The following TEX9 variants were observed in gnomAD, a reference collection of about 807,000 sequenced individuals.
The protein encoded by TEX9 is testis expressed 9.
A neutral mutation model predicts 59.6 loss-of-function variants in TEX9; 74 were observed. That is an observed-to-expected ratio of 1.24 (90% confidence interval 1.03 to 1.51). TEX9 has a LOEUF of 1.51. Among genes scored for constraint, TEX9 ranks in the 40% most tolerant of loss-of-function variants. The pLI, the probability that TEX9 is intolerant of heterozygous loss-of-function variation, is 0.00. For synonymous variants in TEX9, 186 were observed against 152.2 expected, an observed-to-expected ratio of 1.22 and a Z score of -1.64; for missense variants, 522 against 447.8, an observed-to-expected ratio of 1.17 and a Z score of -1.49.
At chr15:56,275,638 T>C (rs1349859719) in intron 1 of TEX9, among the ~76,000 whole-genome samples, 15 of 152,328 alleles carry the variant, frequency 9.8e-5, no homozygotes, top group African/African-American at 3.1e-4. Context: ...CTTTGTGCTA[T>C]TATTGTTATA....
intron 12 of TEX9, among the ~76,000 whole-genome samples, chr15:56,441,807 GA>G (rs2050818380): frequency 6.6e-6 from 1 of 152,252 alleles, no homozygotes; most frequent in Non-Finnish European, 1.5e-5. Context: ...GAGGTCAGGA[GA>G]TCGAGACCAT....
intron 1 of TEX9, among the ~76,000 whole-genome samples, chr15:56,330,855 A>G (rs1042829299): frequency 1.3e-5 from 2 of 152,266 alleles, no homozygotes; most frequent in Middle Eastern, 3.4e-3. Flanking sequence ...ATAAAAAGAC[A>G]TGGAATAGCT....
At chr15:56,287,670 C>G (rs569049068) in intron 1 of TEX9, among the ~76,000 whole-genome samples, 1 of 152,056 alleles carries the variant, frequency 6.6e-6, no homozygotes, top group Non-Finnish European at 1.5e-5. Context: ...ACCAATATCT[C>G]CTCAATCCAT....
At chr15:56,279,634 A>G (rs2044765765) in intron 1 of TEX9, among the ~76,000 whole-genome samples, 1 of 152,226 alleles carries the variant, frequency 6.6e-6, no homozygotes. Context: ...CCTAATTAAG[A>G]GTAAAGAGTA....
At chr15:56,459,957 T>C in the TEX9 span, among the ~76,000 whole-genome samples, 3 of 115,738 alleles carry the variant, frequency 2.6e-5, no homozygotes, top group East Asian at 8.0e-4. Context: ...GCCATTGCAC[T>C]CCAGCCTGGG....
intron 1 of TEX9, among the ~76,000 whole-genome samples, chr15:56,281,960 T>G (rs1382191105): frequency 6.6e-6 from 1 of 152,228 alleles, no homozygotes; most frequent in East Asian, 1.9e-4. Flanking sequence ...CATTTATAAC[T>G]TTCTCATTTC....
chr15:56,426,719 A>G lies in TEX9; in HGVS notation c.964-886A>G, dbSNP rs374558435. ...CTCCATCTTTTTTATGTGTGTGTACAGAGATTCACATTTCCTTCTGGTATC... is the reference window on the plus strand; with the variant it reads ...CTCCATCTTTTTTATGTGTGTGTACGGAGATTCACATTTCCTTCTGGTATC... On this transcript the variant is annotated intron_variant, in intron 10 of 12. Transcript: ENST00000352903. Among the ~76,000 whole-genome samples, 7 of 150,150 alleles carry G rather than the reference A, an allele frequency of 4.7e-5. No homozygotes were observed. The East Asian group carries it at 7.8e-4, about 17-fold the overall frequency.
chr15:56,328,301 A>G (rs1418684507), intron 1 of TEX9, among the ~76,000 whole-genome samples: 1 of 152,072 alleles, frequency 6.6e-6, no homozygotes, highest in Non-Finnish European at 1.5e-5. Context: ...ACCTACTAAC[A>G]AAAGAGCCCT....
chr15:56,293,771 G>A (rs1396834407), intron 1 of TEX9, among the ~76,000 whole-genome samples: 1 of 152,220 alleles, frequency 6.6e-6, no homozygotes, highest in Admixed American at 6.5e-5. Context: ...CCAGCCATGT[G>A]TGTCTCACAT....
chr15:56,263,179 A>G (rs1293320263), intron 1 of TEX9, among the ~76,000 whole-genome samples: 2 of 152,076 alleles, frequency 1.3e-5, no homozygotes, highest in Non-Finnish European at 2.9e-5. Context: ...ATTTGCCACC[A>G]TGCCCGGCTA....
chr15:56,408,985 C>G (rs1305493196), intron 9 of TEX9: 1 of 152,322 alleles, frequency 6.6e-6, no homozygotes, highest in African/African-American at 2.4e-5. Context: ...ATCACAAGGT[C>G]AGGAGATTGA....
intron 9 of TEX9, among the ~76,000 whole-genome samples, chr15:56,400,274 G>A (rs2048703238): frequency 6.6e-6 from 1 of 152,156 alleles, no homozygotes. Flanking sequence ...AATAAACAGT[G>A]TAGAGAAGAC....
At chr15:56,366,156 A>G (rs1172167110) in intron 2 of TEX9, among the ~76,000 whole-genome samples, 1 of 152,178 alleles carries the variant, frequency 6.6e-6, no homozygotes, top group Non-Finnish European at 1.5e-5. Flanking sequence ...TGTAATTACA[A>G]CTATCCTGAC....
chr15:56,244,424 A>C (rs1158434063), intron 1 of TEX9: 1 of 152,270 alleles, frequency 6.6e-6, no homozygotes, highest in Non-Finnish European at 1.5e-5. Flanking sequence ...AAAGCCCTCC[A>C]AATCTGGCCC....
intron 9 of TEX9, 40 bp from the exon 10 acceptor site, chr15:56,412,262 A>G (rs746562094): frequency 1.3e-6 from 2 of 1,549,298 alleles, no homozygotes; most frequent in East Asian, 4.6e-5. Flanking sequence ...GGAAACTATG[A>G]TATATTTATA....
chr15:56,304,712 TA>T (rs1271659298), intron 1 of TEX9, among the ~76,000 whole-genome samples: 1 of 152,174 alleles, frequency 6.6e-6, no homozygotes, highest in African/African-American at 2.4e-5. Context: ...TATGGGCCTG[TA>T]ATTTTCTTTC....
intron 1 of TEX9, among the ~76,000 whole-genome samples, chr15:56,330,131 A>G (rs2141758228): frequency 6.6e-6 from 1 of 152,310 alleles, no homozygotes; most frequent in African/African-American, 2.4e-5. Context: ...TGACATATTT[A>G]AAGTGCTAAA....
chr15:56,354,595 C>G (rs908741021), intron 1 of TEX9, among the ~76,000 whole-genome samples: 2 of 152,102 alleles, frequency 1.3e-5, no homozygotes, highest in Admixed American at 6.6e-5. Context: ...GTATTTAAAC[C>G]TTGTTCCCTT....
intron 10 of TEX9, among the ~76,000 whole-genome samples, chr15:56,419,538 T>C (rs1218018895): frequency 6.6e-6 from 1 of 151,924 alleles, no homozygotes; most frequent in Non-Finnish European, 1.5e-5. Context: ...TTTCTTTTTT[T>C]AGTCTTTCAA....
Sources: gnomAD v4.1 joint callset for allele counts (sites outside exome capture counted in the v4.1 genomes callset) on GRCh38, gnomAD v4.1.1 for gene constraint, MANE v1.5 for transcripts, NCBI Gene and HGNC (gene_info 2026-07-23, HGNC 2026-07-21) for gene names.